Variants in NR3C2 observed in about 807,000 individuals in gnomAD.
NR3C2 encodes mineralocorticoid receptor.
In NR3C2, 15 loss-of-function variants were observed where a neutral mutation model predicts 86.4. The ratio of observed to expected loss-of-function variants is 0.17; its 90% CI spans 0.12 to 0.27. The LOEUF (loss-of-function observed/expected upper bound fraction) is 0.27. Ranked by LOEUF, NR3C2 falls within the 10% of genes least tolerant of loss-of-function variation. NR3C2 has a pLI of 1.00. For synonymous variants in NR3C2, 458 were observed against 450.5 expected (o/e 1.02, Z -0.21); for missense variants, 960 against 1,195.6 (o/e 0.80, Z 2.91).
intron 2 of NR3C2, among the ~76,000 whole-genome samples, chr4:148,315,985 T>C (rs535489832): frequency 6.6e-6 from 1 of 152,202 alleles, no homozygotes; most frequent in Non-Finnish European, 1.5e-5. Context: ...CAGACTTCTA[T>C]AATATGCATA....
Position 148,436,034 on chromosome 4 carries a change from G to C in NR3C2, c.827C>G (p.Pro276Arg). 1 of 1,614,158 alleles carries C rather than the reference G, an allele frequency of 6.2e-7. No individual in the cohort carries two copies. The highest frequency in any genetic ancestry group is 8.5e-7 in the Non-Finnish European group (1 of 1,180,012). Reference protein sequence around the residue: ...SSMKSSISSPPSHCSVKSPVS... With the variant: ...SSMKSSISSPRSHCSVKSPVS... ...TGGAGATTTTACACTGCAGTGACTT[G>C]GAGGGCTGGAAATTGAGGATTTCAT... is the stretch of plus-strand genomic sequence containing the variant. Residue 276 changes from proline to arginine, a missense_variant, in exon 2 of 9, where the codon CCA becomes CGA. Physicochemically the swap from Pro to Arg is moderately radical, Grantham distance 103 (BLOSUM62 -2). Coordinates refer to ENST00000358102, the MANE Select transcript of NR3C2 (RefSeq NM_000901.5).
intron 4 of NR3C2, among the ~76,000 whole-genome samples, chr4:148,193,168 T>A (rs555234614): frequency 2.0e-5 from 3 of 152,336 alleles, no homozygotes; most frequent in South Asian, 4.1e-4. Context: ...CTGCTTCTTC[T>A]ACCCTTGTAT....
intron 2 of NR3C2, among the ~76,000 whole-genome samples, chr4:148,260,715 C>T (rs560185335): frequency 2.1e-4 from 32 of 152,038 alleles, no homozygotes; most frequent in Non-Finnish European, 2.2e-4. Flanking sequence ...TTTGAAGGGA[C>T]ACAGCCAATA....
At chr4:148,150,690 A>G (rs1014934810) in intron 6 of NR3C2, among the ~76,000 whole-genome samples, 3 of 152,162 alleles carry the variant, frequency 2.0e-5, no homozygotes, top group Admixed American at 6.6e-5. Context: ...GTTACTCTGC[A>G]TTTGTCTGTA....
intron 3 of NR3C2, among the ~76,000 whole-genome samples, chr4:148,254,042 T>C (rs1003574504): frequency 1.3e-5 from 2 of 152,102 alleles, no homozygotes; most frequent in South Asian, 2.1e-4. Context: ...TCTTCCAATA[T>C]AGAGCTGTCC....
intron 2 of NR3C2, among the ~76,000 whole-genome samples, chr4:148,351,659 A>G (rs1360468072): frequency 6.6e-6 from 1 of 152,156 alleles, no homozygotes; most frequent in East Asian, 1.9e-4. Flanking sequence ...ATCTTGTTCA[A>G]TTTGCATCTC....
intron 4 of NR3C2, among the ~76,000 whole-genome samples, chr4:148,158,033 T>C (rs1040564203): frequency 6.6e-6 from 1 of 152,354 alleles, no homozygotes; most frequent in Admixed American, 6.5e-5. Flanking sequence ...AATTAATTTA[T>C]AGACTATCTC....
intron 2 of NR3C2, among the ~76,000 whole-genome samples, chr4:148,372,065 T>C (rs1746448934): frequency 6.6e-6 from 1 of 152,154 alleles, no homozygotes. Context: ...GTCCATAATT[T>C]TAGCGGACTC....
At chr4:148,333,865 A>G (rs1403460382) in intron 2 of NR3C2, among the ~76,000 whole-genome samples, 1 of 152,210 alleles carries the variant, frequency 6.6e-6, no homozygotes, top group African/African-American at 2.4e-5. Context: ...CTAGTCCTAG[A>G]AAGCCTGCAA....
intron 2 of NR3C2, among the ~76,000 whole-genome samples, chr4:148,352,043 G>A (rs1745307716): frequency 6.6e-6 from 1 of 152,142 alleles, no homozygotes; most frequent in South Asian, 2.1e-4. Context: ...GGAAATATAG[G>A]TTTTTAATTT....
At chr4:148,241,027 T>C (rs1203521103) in intron 3 of NR3C2, among the ~76,000 whole-genome samples, 1 of 151,976 alleles carries the variant, frequency 6.6e-6, no homozygotes, top group African/African-American at 2.4e-5. Flanking sequence ...AAAATCCAGC[T>C]GGGCGCGGTG....
At chr4:148,322,999 A>T (rs1280522208) in intron 2 of NR3C2, among the ~76,000 whole-genome samples, 12 of 149,944 alleles carry the variant, frequency 8.0e-5, no homozygotes, top group Admixed American at 2.0e-4. Flanking sequence ...TTTTTCCCCA[A>T]CTTTGTGGTT....
chr4:148,159,709 A>G (rs1374531178), intron 4 of NR3C2, among the ~76,000 whole-genome samples: 1 of 152,178 alleles, frequency 6.6e-6, no homozygotes, highest in Admixed American at 6.6e-5. Context: ...AATTTGTACA[A>G]TTTTTATACT....
At chr4:148,091,713 C>T in intron 8 of NR3C2, among the ~76,000 whole-genome samples, 1 of 152,146 alleles carries the variant, frequency 6.6e-6, no homozygotes, top group East Asian at 1.9e-4. Context: ...CAGACTTGGC[C>T]CTTGCCTGAG....
upstream of NR3C2, among the ~76,000 whole-genome samples, chr4:148,443,534 C>T (rs1482007092): frequency 2.6e-5 from 4 of 152,182 alleles, no homozygotes; most frequent in African/African-American, 4.8e-5. Flanking sequence ...CCGCCCCCTC[C>T]TCGATTCTCC....
Position 148,179,886 on chromosome 4 carries a change from A to G in NR3C2, c.2014+14860T>C, listed in dbSNP as rs896610117. Among the ~76,000 whole-genome samples the G allele has an allele frequency of 2.6e-5, 4 of 151,906 alleles. No homozygotes were observed. In the East Asian group the frequency reaches 5.8e-4, roughly 22 times the overall value. On this transcript the variant is annotated intron_variant, in intron 4 of 8. Transcript: ENST00000358102. ...GGCTTAATTTATATGTGAAGATGCA[A>G]AAACCACACTTTCACTGACTTATAA...
At chr4:148,437,077 T>G (rs949334193) in intron 1 of NR3C2, among the ~76,000 whole-genome samples, 6 of 152,232 alleles carry the variant, frequency 3.9e-5, no homozygotes, top group African/African-American at 1.4e-4. Flanking sequence ...AGCGATCATA[T>G]AAAACTGTTT....
rs61763856 is a variant in NR3C2, at chr4:148,383,934, C to T, written c.1757+51170G>A. On this transcript the variant is annotated intron_variant, in intron 2 of 8. Coordinates refer to ENST00000358102, the MANE Select transcript of NR3C2 (RefSeq NM_000901.5). ...CTGCACTCCAGCCTACAGGGCACAG[C>T]GAGACTCTGTCTCAGGGGAAAAAAA... Among the ~76,000 whole-genome samples the T allele has an allele frequency of 1.8e-3, 245 of 135,072 alleles. 1 individual carries two copies. The highest frequency in any genetic ancestry group is 6.7e-3 in the African/African-American group (229 of 34,370). The allele number at this position is 135,072 out of a possible 152,430, so 88.6% of individuals were successfully genotyped here. A position where few individuals can be genotyped will look rare whatever the true frequency, so the allele number is the denominator to read the frequency against.
intron 2 of NR3C2, among the ~76,000 whole-genome samples, chr4:148,270,256 T>C (rs766975803): frequency 1.3e-5 from 2 of 152,208 alleles, no homozygotes; most frequent in African/African-American, 2.4e-5. Context: ...ATCATTTTCC[T>C]TGCCCTTGGT....
Sources: allele counts gnomAD v4.1 joint callset (sites outside exome capture counted in the v4.1 genomes callset), GRCh38; gene constraint gnomAD v4.1.1; transcripts MANE v1.5; gene names NCBI Gene and HGNC (gene_info 2026-07-23, HGNC 2026-07-21).